KYAT3: variants seen among roughly 807,000 people sequenced by gnomAD.
KYAT3 encodes the protein kynurenine aminotransferase 3.
KYAT3 carries 50 observed loss-of-function variants against 59.0 expected under a neutral mutation model. That is an observed-to-expected ratio of 0.85 (90% confidence interval 0.68 to 1.07). The LOEUF (loss-of-function observed/expected upper bound fraction) is 1.07, where lower values mean the gene tolerates loss of function less well. Among genes scored for constraint, KYAT3 ranks in the 50% least tolerant of loss-of-function variants. The probability of loss-of-function intolerance (pLI) is 0.00; values close to 1 mark genes in which losing one functional copy is unlikely to be tolerated. For synonymous variants in KYAT3, 148 were observed against 177.0 expected, an observed-to-expected ratio of 0.84 and a Z score of 1.30; for missense variants, 497 against 533.3, an observed-to-expected ratio of 0.93 and a Z score of 0.67.
At chr1:88,928,664 C>G in the KYAT3 span, among the ~76,000 whole-genome samples, 1 of 152,058 alleles carries the variant, frequency 6.6e-6, no homozygotes, top group East Asian at 1.9e-4. Flanking sequence ...TGAGGGTGCC[C>G]GGGGCAAGTG....
intron 13 of KYAT3, among the ~76,000 whole-genome samples, chr1:88,936,749 T>C (rs1326664471): frequency 6.6e-6 from 1 of 152,272 alleles, no homozygotes; most frequent in Non-Finnish European, 1.5e-5. Context: ...AGTTTATTTT[T>C]TGAATAGGTG....
At chr1:88,989,915 A>G (rs1557711905) in intron 1 of KYAT3, among the ~76,000 whole-genome samples, 1 of 152,200 alleles carries the variant, frequency 6.6e-6, no homozygotes, top group Non-Finnish European at 1.5e-5. Context: ...TGGTTTCACC[A>G]CAGATTTGTG....
chr1:88,979,077 G>A (rs1329160233), intron 2 of KYAT3, among the ~76,000 whole-genome samples: 1 of 152,160 alleles, frequency 6.6e-6, no homozygotes, highest in Non-Finnish European at 1.5e-5. Context: ...AGTTATGTGA[G>A]AGAAACTCAA....
In KYAT3 at chr1:88,949,265, G is replaced by C. The variant is rs929471624; in HGVS notation, c.967C>G (p.Gln323Glu). The C allele has an allele frequency of 3.2e-6, 5 of 1,547,390 alleles. No individual in the cohort carries two copies. Among genetic ancestry groups the C allele is most frequent in the Non-Finnish European group, 4.3e-6 (5 of 1,154,382 alleles). The change falls in exon 11 of 14, where the codon CAA becomes GAA. Residue 323 changes from glutamine to glutamate, a missense_variant. Transcript: ENST00000260508. ...CGCTTGATGTCAATCCAGAAAGCTT[G>C]AGCCAAGGCTTCCTGTTTGTTAAGA... ...CATPLQEALA[Q>E]AFWIDIKRMD...
chr1:88,979,018 G>C (rs939575150), intron 2 of KYAT3, among the ~76,000 whole-genome samples: 1 of 152,146 alleles, frequency 6.6e-6, no homozygotes, highest in Admixed American at 6.5e-5. Flanking sequence ...GAAGAGACAA[G>C]TGCATAAGAT....
intron 2 of KYAT3, among the ~76,000 whole-genome samples, chr1:88,973,239 G>C (rs1199932979): frequency 1.3e-5 from 2 of 152,194 alleles, no homozygotes; most frequent in African/African-American, 4.8e-5. Context: ...TGGCCATGCT[G>C]ATACTTATCT....
intron 4 of KYAT3, 62 bp downstream of exon 4, chr1:88,968,608 C>T: frequency 1.5e-6 from 2 of 1,334,878 alleles, no homozygotes; most frequent in East Asian, 5.3e-5. Context: ...CATGCACACA[C>T]ACAGACACAC....
chr1:88,946,250 G>T (rs1274449886), intron 11 of KYAT3, among the ~76,000 whole-genome samples: 1 of 151,900 alleles, frequency 6.6e-6, no homozygotes, highest in African/African-American at 2.4e-5. Context: ...TTAGTCTCAA[G>T]TTAATGCTAA....
At chr1:88,949,377 T>C (rs1256124618) in intron 10 of KYAT3, 100 bp from the exon 11 acceptor site, 3 of 833,176 alleles carry the variant, frequency 3.6e-6, no homozygotes, top group African/African-American at 3.6e-5. Context: ...AGTAAAATTA[T>C]TGGCAAAGAA....
intron 5 of KYAT3, among the ~76,000 whole-genome samples, chr1:88,963,978 G>A (rs1035432379): frequency 3.3e-5 from 5 of 152,144 alleles, no homozygotes; most frequent in Admixed American, 2.0e-4. Context: ...TGAGGCAGGC[G>A]GATCACCTGA....
intron 2 of KYAT3, among the ~76,000 whole-genome samples, chr1:88,978,814 A>ATT: frequency 6.8e-6 from 1 of 146,224 alleles, no homozygotes; most frequent in Non-Finnish European, 1.5e-5. Flanking sequence ...CCCGGCCTTA[A>ATT]TTTTTTTTTT....
chr1:88,959,314 C>A (rs1676054083), intron 8 of KYAT3, among the ~76,000 whole-genome samples: 1 of 150,666 alleles, frequency 6.6e-6, no homozygotes, highest in Non-Finnish European at 1.5e-5. Context: ...CACGGTGGCT[C>A]ACACCTGTAA....
chr1:88,972,699 A>G (rs781436639), intron 2 of KYAT3, among the ~76,000 whole-genome samples: 2 of 152,236 alleles, frequency 1.3e-5, no homozygotes, highest in Non-Finnish European at 2.9e-5. Context: ...TGCCTGTTTC[A>G]TGGCAGAGGG....
chr1:88,961,257 C>CAAT lies in KYAT3; in HGVS notation c.694_696dup (p.Ile232dup). ...GTGTCATATTTGATGCAAAGGTCAG[C>CAAT]AATTACTTGCAGTTCCTCTCTGTTA... On this transcript the variant is annotated inframe_insertion, in exon 8 of 14. Transcript: ENST00000260508. The CAAT allele has an allele frequency of 6.2e-7, 1 of 1,613,522 alleles. No homozygotes were observed. Among genetic ancestry groups the CAAT allele is most frequent in the Non-Finnish European group, 8.5e-7 (1 of 1,179,900 alleles).
At chr1:88,977,748 A>AC (rs1676857937) in intron 2 of KYAT3, among the ~76,000 whole-genome samples, 1 of 152,210 alleles carries the variant, frequency 6.6e-6, no homozygotes, top group African/African-American at 2.4e-5. Context: ...TCACTCACTG[A>AC]CCCACCCAGA....
chr1:88,988,362 A>C lies in KYAT3; in HGVS notation c.-1-11T>G. ...TGGGCCAAAAACATGCTATTAAATA[A>C]AAGAAAAATTGAGAAGAGGAATAAA... On this transcript the variant is annotated splice_polypyrimidine_tract_variant and intron_variant, in intron 1 of 13. Coordinates refer to ENST00000260508, the MANE Select transcript of KYAT3 (RefSeq NM_001008661.3). 1 of 1,565,730 alleles carries C rather than the reference A, an allele frequency of 6.4e-7. No homozygotes were observed. Among genetic ancestry groups the C allele is most frequent in the Non-Finnish European group, 8.8e-7 (1 of 1,138,140 alleles).
the KYAT3 span, among the ~76,000 whole-genome samples, chr1:88,928,735 G>A: frequency 6.6e-6 from 1 of 152,092 alleles, no homozygotes; most frequent in Non-Finnish European, 1.5e-5. Context: ...GGGCCAGGAG[G>A]TTAACTGCCT....
the KYAT3 span, among the ~76,000 whole-genome samples, chr1:88,921,236 A>C: frequency 9.8e-5 from 15 of 152,344 alleles, no homozygotes; most frequent in South Asian, 3.1e-3. Context: ...TCGCTTCTAC[A>C]TTCTAGGCAG....
chr1:88,952,721 G>A (rs1206883928), intron 10 of KYAT3, among the ~76,000 whole-genome samples: 1 of 152,106 alleles, frequency 6.6e-6, no homozygotes, highest in Non-Finnish European at 1.5e-5. Flanking sequence ...GTGCAAGAAC[G>A]GACTAAAACA....
Sources: gnomAD v4.1 joint callset for allele counts (sites outside exome capture counted in the v4.1 genomes callset) on GRCh38, gnomAD v4.1.1 for gene constraint, MANE v1.5 for transcripts, NCBI Gene and HGNC (gene_info 2026-07-23, HGNC 2026-07-21) for gene names.